Variants in MCTP1 observed in about 807,000 individuals in gnomAD.
The protein encoded by MCTP1 is multiple C2 and transmembrane domain-containing protein 1.
Under a neutral mutation model 120.6 loss-of-function variants are expected in MCTP1, and 69 were observed. That is an observed-to-expected ratio of 0.57 (90% CI 0.47 to 0.70). MCTP1 has a LOEUF of 0.70. MCTP1 is among the 30% of genes least tolerant of loss of function. The probability of loss-of-function intolerance (pLI) is 0.00; values close to 1 mark genes in which losing one functional copy is unlikely to be tolerated. For missense variants in MCTP1, 1,203 were observed against 1,248.8 expected (o/e 0.96, Z 0.55); for synonymous variants, 529 against 493.1 (o/e 1.07, Z -0.96).
chr5:95,066,013 A>G (rs763066801), intron 1 of MCTP1, among the ~76,000 whole-genome samples: 44 of 152,336 alleles, frequency 2.9e-4, no homozygotes, highest in African/African-American at 1.1e-3. Context: ...AAGAAATGGG[A>G]TTACATCAAA....
intron 1 of MCTP1, among the ~76,000 whole-genome samples, chr5:95,087,067 C>T (rs1284998081): frequency 6.6e-6 from 1 of 152,118 alleles, no homozygotes; most frequent in East Asian, 1.9e-4. Context: ...CGAAAGGGCT[C>T]CTGATCTAGA....
At chr5:95,074,523 G>A (rs1753065503) in intron 1 of MCTP1, among the ~76,000 whole-genome samples, 2 of 152,204 alleles carry the variant, frequency 1.3e-5, no homozygotes, top group African/African-American at 4.8e-5. Flanking sequence ...ACAATAATTT[G>A]TATTTATGAA....
intron 1 of MCTP1, among the ~76,000 whole-genome samples, chr5:95,143,726 G>A (rs1231123938): frequency 1.3e-5 from 2 of 152,124 alleles, no homozygotes; most frequent in African/African-American, 4.8e-5. Context: ...TTGCTGCAAA[G>A]GACATGATCT....
intron 1 of MCTP1, among the ~76,000 whole-genome samples, chr5:95,094,735 G>A (rs1756096566): frequency 6.6e-6 from 1 of 151,952 alleles, no homozygotes; most frequent in South Asian, 2.1e-4. Context: ...TAAAAACATA[G>A]TTCTGCTTTA....
At chr5:94,754,987 T>C (rs1415445442) in intron 19 of MCTP1, among the ~76,000 whole-genome samples, 8 of 152,330 alleles carry the variant, frequency 5.3e-5, no homozygotes, top group Non-Finnish European at 1.0e-4. Context: ...CTGCCCGTTT[T>C]GGCGACCACA....
chr5:95,167,919 T>G (rs1259702845), intron 1 of MCTP1, among the ~76,000 whole-genome samples: 8 of 152,012 alleles, frequency 5.3e-5, no homozygotes, highest in Non-Finnish European at 1.0e-4. Context: ...ATTTGTCAAT[T>G]TTGGCTTTTG....
chr5:95,030,809 T>C (rs1840141112), intron 1 of MCTP1, among the ~76,000 whole-genome samples: 1 of 152,094 alleles, frequency 6.6e-6, no homozygotes, highest in South Asian at 2.1e-4. Flanking sequence ...TAGCAATGGA[T>C]CCTAACCAAA....
At chr5:95,022,662 G>C (rs1394125831) in intron 1 of MCTP1, among the ~76,000 whole-genome samples, 2 of 152,158 alleles carry the variant, frequency 1.3e-5, no homozygotes, top group Non-Finnish European at 2.9e-5. Context: ...TCCATGGGCA[G>C]TTTGTTCTCT....
rs1290379218 is a variant in MCTP1, at chr5:94,704,143, TAGA to T, written c.*3350_*3352del. 1.5e-4 allele frequency: 23 copies of T among 149,866 alleles called. No individual in the cohort carries two copies. The highest frequency in any genetic ancestry group is 1.5e-5 in the Non-Finnish European group (1 of 67,132). 9.3% of individuals were successfully genotyped at this position (149,866 alleles called of 1,614,324 possible). On this transcript the variant is annotated 3_prime_UTR_variant, in exon 23 of 23. Coordinates refer to ENST00000515393, the MANE Select transcript of MCTP1 (RefSeq NM_024717.7). ...TTTAATTCATACTTTACTGAGCAAT[TAGA>T]AAAGGCTGATTCTAGATACCCTAAT... is the stretch of plus-strand genomic sequence containing the variant.
intron 1 of MCTP1, among the ~76,000 whole-genome samples, chr5:95,153,586 A>T (rs1744777844): frequency 6.6e-6 from 1 of 152,234 alleles, no homozygotes; most frequent in Admixed American, 6.5e-5. Context: ...AAGGTGGAGA[A>T]TGAAATTAGA....
chr5:95,172,240 A>G (rs2152498890), intron 1 of MCTP1, among the ~76,000 whole-genome samples: 1 of 152,298 alleles, frequency 6.6e-6, no homozygotes, highest in Non-Finnish European at 1.5e-5. Flanking sequence ...TGAACAGCAA[A>G]TGTTGCTGCC....
At chr5:95,132,421 A>AT (rs891905146) in intron 1 of MCTP1, among the ~76,000 whole-genome samples, 3 of 152,192 alleles carry the variant, frequency 2.0e-5, no homozygotes, top group African/African-American at 7.2e-5. Flanking sequence ...ACAAACAACT[A>AT]TTTTTTTCCA....
chr5:95,112,754 A>G (rs1419797787), intron 1 of MCTP1, among the ~76,000 whole-genome samples: 3 of 152,240 alleles, frequency 2.0e-5, no homozygotes, highest in Admixed American at 6.5e-5. Flanking sequence ...AAAAATGTGA[A>G]ATAAAAAGTT....
At chr5:94,775,974 T>G (rs145277732) in intron 19 of MCTP1, among the ~76,000 whole-genome samples, 1 of 147,552 alleles carries the variant, frequency 6.8e-6, no homozygotes, top group Non-Finnish European at 1.5e-5. Flanking sequence ...ATTATATATA[T>G]ATATATATTT....
chr5:94,917,241 A>C (rs1810313156), intron 8 of MCTP1, among the ~76,000 whole-genome samples: 1 of 152,198 alleles, frequency 6.6e-6, no homozygotes, highest in African/African-American at 2.4e-5. Flanking sequence ...CACTCAATAA[A>C]ATTTGCATAT....
intron 17 of MCTP1, among the ~76,000 whole-genome samples, chr5:94,860,596 C>T (rs893888963): frequency 6.6e-6 from 1 of 151,740 alleles, no homozygotes; most frequent in Non-Finnish European, 1.5e-5. Context: ...TAATTCATAT[C>T]ATATGCGAAC....
chr5:95,038,927 G>A (rs1482614905), intron 1 of MCTP1, among the ~76,000 whole-genome samples: 1 of 151,938 alleles, frequency 6.6e-6, no homozygotes, highest in Non-Finnish European at 1.5e-5. Context: ...TTCCTCATCT[G>A]TAGTAAAGGA....
chr5:94,968,454 T>G (rs1402029254), intron 2 of MCTP1, among the ~76,000 whole-genome samples: 1 of 152,166 alleles, frequency 6.6e-6, no homozygotes, highest in East Asian at 1.9e-4. Context: ...TATATTTCAT[T>G]ATAGGGAAAT....
chr5:95,284,539 G>T lies in MCTP1; in HGVS notation c.37C>A (p.Pro13Thr). Reference protein sequence around the residue: ...PRAAAAGEPEPPAASSSFQAR... With the variant: ...PRAAAAGEPETPAASSSFQAR... ...TGGAAGGAGGAGGACGCCGCCGGCG[G>T]CTCTGGCTCGCCCGCCGCGGCAGCC... Residue 13 changes from proline (P) to threonine (T), a missense_variant, in exon 1 of 23, where the codon CCG becomes ACG. Physicochemically the swap from Pro to Thr is conservative, Grantham distance 38. This residue lies in a region of MCTP1 where 463 missense variants were observed against 377.8 expected (regional missense o/e 1.23). Coordinates refer to ENST00000515393, the MANE Select transcript of MCTP1 (RefSeq NM_024717.7). The surrounding 1 kb of genome is among the most constrained non-coding windows in gnomAD (Gnocchi z 5.2). 1 of 1,471,786 alleles carries T rather than the reference G, an allele frequency of 6.8e-7. No individual in the cohort carries two copies. The highest frequency in any genetic ancestry group is 8.9e-7 in the Non-Finnish European group (1 of 1,122,048). 91.2% of individuals were successfully genotyped at this position (1,471,786 alleles called of 1,614,324 possible).
Sources: allele counts gnomAD v4.1 joint callset (sites outside exome capture counted in the v4.1 genomes callset), GRCh38; gene constraint gnomAD v4.1.1; regional missense constraint gnomAD v4.1.1; non-coding constraint Gnocchi (gnomAD v3.1); transcripts MANE v1.5; gene names NCBI Gene and HGNC (gene_info 2026-07-23, HGNC 2026-07-21).